The following MTMR3 variants were observed in gnomAD, a reference collection of about 807,000 sequenced individuals.
MTMR3 encodes the protein myotubularin related protein 3.
A neutral mutation model predicts 132.4 loss-of-function variants in MTMR3; 32 were observed. The observed-to-expected ratio is 0.24, with a 90% CI of 0.18 to 0.32. MTMR3 has a LOEUF of 0.32. Ranked by LOEUF, MTMR3 falls within the 10% of genes least tolerant of loss-of-function variation. The probability of loss-of-function intolerance (pLI) is 1.00; values close to 1 mark genes in which losing one functional copy is unlikely to be tolerated. For missense variants in MTMR3, 1,216 were observed against 1,489.6 expected (o/e 0.82, Z 3.02); for synonymous variants, 556 against 550.3 (o/e 1.01, Z -0.14).
intron 11 of MTMR3, 195 bp from the exon 12 acceptor site, chr22:30,008,823 T>G: frequency 2.2e-6 from 1 of 458,894 alleles, no homozygotes; most frequent in Admixed American, 4.0e-5. Context: ...TCACGCTTTT[T>G]GAAAAGATAG....
At chr22:29,934,385 T>G (rs1043966784) in intron 1 of MTMR3, among the ~76,000 whole-genome samples, 1 of 152,084 alleles carries the variant, frequency 6.6e-6, no homozygotes, top group African/African-American at 2.4e-5. Context: ...CTCTGGACAT[T>G]AAAGATGTTA....
chr22:29,957,405 A>G (rs1172770074), intron 2 of MTMR3, among the ~76,000 whole-genome samples: 2 of 149,012 alleles, frequency 1.3e-5, no homozygotes, highest in Non-Finnish European at 3.0e-5. Context: ...AGATTTATCA[A>G]TCTCCAGTTG....
At chr22:29,998,024 A>AG (rs2067096361) in intron 7 of MTMR3, 2 of 152,116 alleles carry the variant, frequency 1.3e-5, no homozygotes, top group Non-Finnish European at 2.9e-5. Flanking sequence ...CTGTATTGCT[A>AG]CTCGTGGTGA....
chr22:29,971,186 TC>T, intron 3 of MTMR3, 124 bp downstream of exon 3: 1 of 959,524 alleles, frequency 1.0e-6, no homozygotes, highest in Non-Finnish European at 1.5e-6. Flanking sequence ...TCTTTTTCTT[TC>T]CCAGATCTCT....
intron 1 of MTMR3, among the ~76,000 whole-genome samples, chr22:29,913,306 C>T (rs889263763): frequency 1.3e-5 from 2 of 152,140 alleles, no homozygotes; most frequent in African/African-American, 2.4e-5. Flanking sequence ...ATTCCTAAAG[C>T]GTACATTCCA....
At chr22:30,013,264 T>TAG in intron 13 of MTMR3, 92 bp from the exon 14 acceptor site, 1 of 1,375,788 alleles carries the variant, frequency 7.3e-7, no homozygotes, top group Non-Finnish European at 1.0e-6. Context: ...GGGAGGCTGT[T>TAG]AGAGGGGATT....
At chr22:29,944,038 C>T (rs1324166894) in intron 1 of MTMR3, among the ~76,000 whole-genome samples, 1 of 151,642 alleles carries the variant, frequency 6.6e-6, no homozygotes. Context: ...AGGCTGTTCT[C>T]GAACTTGTGA....
At chr22:29,963,926 C>CTA (rs776866954) in intron 2 of MTMR3, among the ~76,000 whole-genome samples, 19 of 151,362 alleles carry the variant, frequency 1.3e-4, no homozygotes, top group Non-Finnish European at 2.1e-4. Flanking sequence ...AATAAATCTG[C>CTA]TATAAACATG....
At chr22:29,934,900 A>G (rs1321426961) in intron 1 of MTMR3, among the ~76,000 whole-genome samples, 1 of 152,230 alleles carries the variant, frequency 6.6e-6, no homozygotes, top group African/African-American at 2.4e-5. Context: ...TATGAAAATA[A>G]TGGTATTTAT....
intron 1 of MTMR3, among the ~76,000 whole-genome samples, chr22:29,952,757 CAG>C (rs1358639127): frequency 6.6e-6 from 1 of 152,154 alleles, no homozygotes; most frequent in Non-Finnish European, 1.5e-5. Context: ...ACTTCAACAA[CAG>C]AGGTTTTAGA....
chr22:30,007,088 G>GTT (rs1369401984), intron 9 of MTMR3, 26 bp from the exon 10 acceptor site: 2 of 1,611,572 alleles, frequency 1.2e-6, no homozygotes, highest in African/African-American at 2.7e-5. Flanking sequence ...AATGGGTACA[G>GTT]TTGTTGTCTC....
At chr22:29,925,743 G>A (rs73396886) in intron 1 of MTMR3, among the ~76,000 whole-genome samples, 2,552 of 151,814 alleles carry the variant, frequency 0.017, 66 homozygotes, top group African/African-American at 0.056. Flanking sequence ...AGACGAACCC[G>A]TCTCTACTAA....
chr22:30,015,526 C>T (rs1159939763), intron 14 of MTMR3: 3 of 149,738 alleles, frequency 2.0e-5, no homozygotes, highest in Non-Finnish European at 3.0e-5. Flanking sequence ...CCCTCCCTCC[C>T]TCTTCCACAT....
chr22:30,012,594 C>G, intron 13 of MTMR3, 31 bp downstream of exon 13: 19 of 1,558,412 alleles, frequency 1.2e-5, no homozygotes, highest in Non-Finnish European at 1.6e-5. Context: ...GGGGTTGGTA[C>G]TTCAGGATGA....
chr22:29,963,018 C>T (rs748029817), intron 2 of MTMR3, among the ~76,000 whole-genome samples: 1 of 151,568 alleles, frequency 6.6e-6, no homozygotes, highest in Non-Finnish European at 1.5e-5. Flanking sequence ...ATCCTGGGCT[C>T]AAGTGATCCT....
intron 1 of MTMR3, among the ~76,000 whole-genome samples, chr22:29,949,570 C>T (rs1177293771): frequency 1.4e-5 from 2 of 143,594 alleles, no homozygotes; most frequent in Non-Finnish European, 3.0e-5. Flanking sequence ...TTCCACATTT[C>T]TGGCCTTTGC....
At chr22:30,021,878 C>T in intron 17 of MTMR3, 151 bp from the exon 18 acceptor site, 1 of 640,876 alleles carries the variant, frequency 1.6e-6, no homozygotes. Context: ...CTTCTTCACC[C>T]CAGTTCTTGA....
intron 2 of MTMR3, among the ~76,000 whole-genome samples, chr22:29,963,421 T>C (rs5763646): frequency 0.39 from 57,228 of 147,866 alleles, 11,632 homozygotes; most frequent in East Asian, 0.71. Flanking sequence ...AGATGAGTCT[T>C]GCTCTGTCAC....
chr22:29,924,799 G>C (rs191906765), intron 1 of MTMR3, among the ~76,000 whole-genome samples: 85 of 152,152 alleles, frequency 5.6e-4, no homozygotes, highest in Non-Finnish European at 1.3e-4. Flanking sequence ...TTATTTCTAA[G>C]TAATTCTTTT....
Sources: allele counts gnomAD v4.1 joint callset (sites outside exome capture counted in the v4.1 genomes callset), GRCh38; gene constraint gnomAD v4.1.1; transcripts MANE v1.5; gene names NCBI Gene and HGNC (gene_info 2026-07-23, HGNC 2026-07-21).